The following ZDHHC14 variants were observed in gnomAD, a reference collection of about 807,000 sequenced individuals.
ZDHHC14 encodes the protein palmitoyltransferase ZDHHC14.
A neutral mutation model predicts 47.7 loss-of-function variants in ZDHHC14; 16 were observed. The observed-to-expected ratio is 0.34, with a 90% CI of 0.23 to 0.51. ZDHHC14 has a LOEUF of 0.51. Among genes scored for constraint, ZDHHC14 ranks in the 20% least tolerant of loss-of-function variants. ZDHHC14 has a pLI of 0.97. For synonymous variants in ZDHHC14, 293 were observed against 278.9 expected (o/e 1.05, Z -0.50); for missense variants, 515 against 662.5 (o/e 0.78, Z 2.44).
At chr6:157,646,384 A>G (rs1961522) in intron 6 of ZDHHC14, 33,213 of 151,974 alleles carry the variant, frequency 0.22, 4,528 homozygotes, top group East Asian at 0.57. Flanking sequence ...AGGCCGAGGC[A>G]GGCGGATCAC....
At chr6:157,546,509 C>G (rs943625485) in intron 2 of ZDHHC14, among the ~76,000 whole-genome samples, 3 of 152,118 alleles carry the variant, frequency 2.0e-5, no homozygotes, top group Non-Finnish European at 4.4e-5. Context: ...CTCTGGGCTT[C>G]AGAGTCTGTT....
chr6:157,519,152 G>A (rs1056864334), intron 1 of ZDHHC14, among the ~76,000 whole-genome samples: 1 of 152,224 alleles, frequency 6.6e-6, no homozygotes, highest in Admixed American at 6.5e-5. Flanking sequence ...CCTGATGTAC[G>A]AAGAATCCAA....
At chr6:157,520,395 T>A (rs903214190) in intron 1 of ZDHHC14, among the ~76,000 whole-genome samples, 1 of 152,234 alleles carries the variant, frequency 6.6e-6, no homozygotes, top group African/African-American at 2.4e-5. Context: ...TTCCTGACTA[T>A]CTCATATTAT....
intron 8 of ZDHHC14, among the ~76,000 whole-genome samples, chr6:157,670,293 T>C (rs1241095274): frequency 6.6e-6 from 1 of 152,148 alleles, no homozygotes; most frequent in African/African-American, 2.4e-5. Context: ...CAAGTACTTT[T>C]TATTTATTTA....
intron 2 of ZDHHC14, among the ~76,000 whole-genome samples, chr6:157,581,361 C>T (rs913992103): frequency 7.3e-5 from 11 of 150,886 alleles, no homozygotes; most frequent in South Asian, 4.2e-4. Flanking sequence ...TTTAAGAGTA[C>T]GTGCTATGTG....
chr6:157,520,073 T>G (rs1780860363), intron 1 of ZDHHC14, among the ~76,000 whole-genome samples: 1 of 152,154 alleles, frequency 6.6e-6, no homozygotes, highest in Non-Finnish European at 1.5e-5. Context: ...GATCCCAGGG[T>G]GCCCCCCAGA....
chr6:157,645,335 C>T (rs1296841937), intron 5 of ZDHHC14, among the ~76,000 whole-genome samples: 2 of 152,150 alleles, frequency 1.3e-5, no homozygotes, highest in Admixed American at 6.6e-5. Context: ...GTCAATATGT[C>T]GTCCTTTCAC....
chr6:157,389,871 T>C (rs185122898), intron 1 of ZDHHC14, among the ~76,000 whole-genome samples: 28 of 152,080 alleles, frequency 1.8e-4, no homozygotes, highest in Non-Finnish European at 3.4e-4. Context: ...AAAAGAAAAA[T>C]AAATTTATGT....
intron 2 of ZDHHC14, among the ~76,000 whole-genome samples, chr6:157,568,569 G>C (rs1562485378): frequency 6.6e-6 from 1 of 152,072 alleles, no homozygotes; most frequent in South Asian, 2.1e-4. Flanking sequence ...CATTGAAGTT[G>C]ATTCCAGTTT....
intron 7 of ZDHHC14, among the ~76,000 whole-genome samples, chr6:157,649,190 A>T (rs928756419): frequency 6.6e-6 from 1 of 152,224 alleles, no homozygotes; most frequent in African/African-American, 2.4e-5. Flanking sequence ...GAAGGACATT[A>T]AAATAGTGAA....
At chr6:157,552,332 C>T (rs1364685032) in intron 2 of ZDHHC14, among the ~76,000 whole-genome samples, 3 of 151,932 alleles carry the variant, frequency 2.0e-5, no homozygotes, top group Admixed American at 6.6e-5. Context: ...CATGCAGAGT[C>T]GGCAGGGCAG....
At chr6:157,623,561 G>A (rs1383089108) in intron 3 of ZDHHC14, among the ~76,000 whole-genome samples, 1 of 40,106 alleles carries the variant, frequency 2.5e-5, no homozygotes, top group South Asian at 8.6e-4. Flanking sequence ...TTTTTTTTTT[G>A]AGACAGAGTC....
intron 1 of ZDHHC14, among the ~76,000 whole-genome samples, chr6:157,439,664 T>C (rs1301914027): frequency 6.6e-6 from 1 of 152,202 alleles, no homozygotes; most frequent in African/African-American, 2.4e-5. Flanking sequence ...ACTGGGTATA[T>C]ACCCAAAGGA....
intron 1 of ZDHHC14, among the ~76,000 whole-genome samples, chr6:157,409,114 G>T (rs1192919141): frequency 6.6e-6 from 1 of 152,250 alleles, no homozygotes; most frequent in African/African-American, 2.4e-5. Flanking sequence ...CTAACGAGCT[G>T]CAAGGACACT....
chr6:157,467,158 T>G (rs1045541785), intron 1 of ZDHHC14, among the ~76,000 whole-genome samples: 1 of 152,204 alleles, frequency 6.6e-6, no homozygotes, highest in Non-Finnish European at 1.5e-5. Context: ...TACAGCACCT[T>G]TATTGAGATG....
chr6:157,407,937 C>G (rs892845530), intron 1 of ZDHHC14, among the ~76,000 whole-genome samples: 3 of 152,294 alleles, frequency 2.0e-5, no homozygotes, highest in African/African-American at 7.2e-5. Context: ...TGCGAGTCCT[C>G]TATGCTCTTT....
chr6:157,582,451 T>A lies in ZDHHC14; in HGVS notation c.407-10537T>A, dbSNP rs959501047. 7.9e-5 allele frequency among the ~76,000 whole-genome samples: 12 copies of A among 152,222 alleles called. No homozygotes were observed. The highest frequency in any genetic ancestry group is 7.2e-4 in the Admixed American group (11 of 15,292). ...TCTGGTGGCAAGGAATTCCTCAACATTTGCTTTGAAAAAGATCTTACTTAT... is the reference window on the plus strand; with the variant it reads ...TCTGGTGGCAAGGAATTCCTCAACAATTGCTTTGAAAAAGATCTTACTTAT... On this transcript the variant is annotated intron_variant, in intron 2 of 8. Coordinates refer to ENST00000359775, the MANE Select transcript of ZDHHC14 (RefSeq NM_024630.3). This position sits in a 1 kb window ranked among gnomAD's most constrained non-coding sequence, Gnocchi z 4.3.
chr6:157,610,324 C>G (rs576565603), intron 3 of ZDHHC14, among the ~76,000 whole-genome samples: 1 of 152,044 alleles, frequency 6.6e-6, no homozygotes, highest in African/African-American at 2.4e-5. Flanking sequence ...CCCAGCTACT[C>G]GGGAGGCTGA....
At chr6:157,514,176 T>C (rs2114754733) in intron 1 of ZDHHC14, among the ~76,000 whole-genome samples, 1 of 152,358 alleles carries the variant, frequency 6.6e-6, no homozygotes, top group East Asian at 1.9e-4. Flanking sequence ...ATATACCATA[T>C]TGAAGGCACG....
Sources: gnomAD v4.1 joint callset for allele counts (sites outside exome capture counted in the v4.1 genomes callset) on GRCh38, gnomAD v4.1.1 for gene constraint, Gnocchi (gnomAD v3.1) non-coding constraint, MANE v1.5 for transcripts, NCBI Gene and HGNC (gene_info 2026-07-23, HGNC 2026-07-21) for gene names.